The following MAP3K5 variants were observed in gnomAD, a reference collection of about 807,000 sequenced individuals.
MAP3K5 encodes the protein mitogen-activated protein kinase kinase kinase 5.
In MAP3K5, 56 loss-of-function variants were observed where a neutral mutation model predicts 158.7. The observed-to-expected ratio is 0.35, with a 90% CI of 0.28 to 0.44. MAP3K5 has a LOEUF of 0.44. Ranked by LOEUF, MAP3K5 falls within the 20% of genes least tolerant of loss-of-function variation. The probability of loss-of-function intolerance (pLI) is 1.00; values close to 1 mark genes in which losing one functional copy is unlikely to be tolerated. For synonymous variants in MAP3K5, 579 were observed against 601.7 expected (o/e 0.96, Z 0.55); for missense variants, 1,294 against 1,674.8 (o/e 0.77, Z 3.97).
At chr6:136,658,612 G>T (rs1778870639) in intron 9 of MAP3K5, among the ~76,000 whole-genome samples, 1 of 151,886 alleles carries the variant, frequency 6.6e-6, no homozygotes, top group East Asian at 1.9e-4. Flanking sequence ...CCGTGCGCCC[G>T]GCCAACACTG....
intron 7 of MAP3K5, among the ~76,000 whole-genome samples, chr6:136,679,409 C>T (rs1047872522): frequency 6.6e-6 from 1 of 152,068 alleles, no homozygotes; most frequent in South Asian, 2.1e-4. Flanking sequence ...CTATGAGACA[C>T]AAAGGTAATT....
At chr6:136,720,318 G>T in intron 2 of MAP3K5, 132 bp downstream of exon 2, 1 of 731,744 alleles carries the variant, frequency 1.4e-6, no homozygotes, top group Non-Finnish European at 2.0e-6. Context: ...AATTTGACAA[G>T]TAATTGATGC....
intron 14 of MAP3K5, among the ~76,000 whole-genome samples, chr6:136,634,094 A>C (rs1399563592): frequency 6.6e-6 from 1 of 152,226 alleles, no homozygotes; most frequent in Non-Finnish European, 1.5e-5. Flanking sequence ...TTTGAGTTCA[A>C]TTTGTGGTAA....
At chr6:136,598,703 A>G (rs1364216092) in intron 21 of MAP3K5, among the ~76,000 whole-genome samples, 1 of 152,200 alleles carries the variant, frequency 6.6e-6, no homozygotes, top group Non-Finnish European at 1.5e-5. Context: ...GGAGGTAGAG[A>G]ACCTTGAGAG....
intron 1 of MAP3K5, among the ~76,000 whole-genome samples, chr6:136,776,296 T>C (rs960773858): frequency 6.6e-6 from 1 of 152,196 alleles, no homozygotes; most frequent in Non-Finnish European, 1.5e-5. Flanking sequence ...CAGGCTGGAG[T>C]GCAGTGGCGC....
chr6:136,742,462 A>C (rs1424047857), intron 1 of MAP3K5, among the ~76,000 whole-genome samples: 1 of 152,132 alleles, frequency 6.6e-6, no homozygotes, highest in African/African-American at 2.4e-5. Flanking sequence ...AACAAAAAAA[A>C]CACAAAGATA....
intron 15 of MAP3K5, among the ~76,000 whole-genome samples, chr6:136,619,671 G>A (rs957843556): frequency 6.6e-6 from 1 of 152,230 alleles, no homozygotes; most frequent in Non-Finnish European, 1.5e-5. Flanking sequence ...TAGGAGTGGA[G>A]GAAAGAGCGA....
chr6:136,705,698 C>T (rs923623321), intron 2 of MAP3K5, among the ~76,000 whole-genome samples: 1 of 152,160 alleles, frequency 6.6e-6, no homozygotes, highest in Non-Finnish European at 1.5e-5. Flanking sequence ...AAAACCAGCA[C>T]TAATATGTAA....
At chr6:136,654,233 T>C (rs1213551810) in intron 10 of MAP3K5, among the ~76,000 whole-genome samples, 1 of 152,156 alleles carries the variant, frequency 6.6e-6, no homozygotes, top group Non-Finnish European at 1.5e-5. Flanking sequence ...CCAGATAGAA[T>C]CCCAGAATAT....
At chr6:136,695,530 T>C (rs1329407357) in intron 6 of MAP3K5, among the ~76,000 whole-genome samples, 1 of 152,250 alleles carries the variant, frequency 6.6e-6, no homozygotes, top group African/African-American at 2.4e-5. Flanking sequence ...AAATTCCTTT[T>C]TATCCTTGGT....
In MAP3K5 at chr6:136,636,614, CAG is replaced by C. The variant is rs571405401; in HGVS notation, c.2016+709_2016+710del. ...TGGAGGAAGGCTCTTCTTCACACAG[CAG>C]ACATGGCAGAGAAAATGGACACAAA... On this transcript the variant is annotated intron_variant, in intron 14 of 29. Transcript: ENST00000359015. 7.0e-4 allele frequency among the ~76,000 whole-genome samples: 107 copies of C among 152,226 alleles called. 1 individual carries two copies. The highest frequency in any genetic ancestry group is 2.5e-3 in the African/African-American group (105 of 41,532).
intron 1 of MAP3K5, among the ~76,000 whole-genome samples, chr6:136,734,163 A>T (rs1487303509): frequency 6.6e-6 from 1 of 152,140 alleles, no homozygotes; most frequent in Non-Finnish European, 1.5e-5. Flanking sequence ...ACCTCACCGT[A>T]ATCCCAGCAC....
chr6:136,596,057 A>G (rs1775615221), intron 21 of MAP3K5, among the ~76,000 whole-genome samples: 1 of 150,894 alleles, frequency 6.6e-6, no homozygotes, highest in Non-Finnish European at 1.5e-5. Flanking sequence ...TGGGCTAGAT[A>G]GAACCTCAGC....
chr6:136,700,957 A>G (rs1391842907), intron 3 of MAP3K5, among the ~76,000 whole-genome samples: 1 of 152,236 alleles, frequency 6.6e-6, no homozygotes, highest in Non-Finnish European at 1.5e-5. Context: ...TCTTACCCTT[A>G]GCACTTAAGT....
chr6:136,592,775 C>T (rs773525009), intron 21 of MAP3K5, 161 bp from the exon 22 acceptor site: 1 of 732,954 alleles, frequency 1.4e-6, no homozygotes, highest in Admixed American at 1.9e-5. Flanking sequence ...ATGACTGCCT[C>T]CCTTGCTCAG....
intron 2 of MAP3K5, among the ~76,000 whole-genome samples, chr6:136,718,041 A>G (rs1266421946): frequency 6.6e-6 from 1 of 152,238 alleles, no homozygotes; most frequent in Non-Finnish European, 1.5e-5. Flanking sequence ...CTTAGCAGTC[A>G]AGGGCAACAG....
chr6:136,602,437 C>T (rs1452826978), intron 19 of MAP3K5, among the ~76,000 whole-genome samples: 2 of 152,036 alleles, frequency 1.3e-5, no homozygotes, highest in East Asian at 1.9e-4. Context: ...TGAGGTAGCT[C>T]GGACTACAGG....
chr6:136,763,055 G>C (rs1206257323), intron 1 of MAP3K5, among the ~76,000 whole-genome samples: 1 of 152,120 alleles, frequency 6.6e-6, no homozygotes, highest in Non-Finnish European at 1.5e-5. Flanking sequence ...CTGGAGTGCA[G>C]TGGCACAGAT....
chr6:136,579,907 T>G, intron 25 of MAP3K5: 1 of 457,014 alleles, frequency 2.2e-6, no homozygotes, highest in Admixed American at 2.4e-5. Flanking sequence ...ATTAAATTGC[T>G]CAATGCAACG....
Sources: gnomAD v4.1 joint callset for allele counts (sites outside exome capture counted in the v4.1 genomes callset) on GRCh38, gnomAD v4.1.1 for gene constraint, MANE v1.5 for transcripts, NCBI Gene and HGNC (gene_info 2026-07-23, HGNC 2026-07-21) for gene names.